TRPC4: variants seen among roughly 807,000 people sequenced by gnomAD.
The protein encoded by TRPC4 is transient receptor potential cation channel subfamily C member 4.
Under a neutral mutation model 99.4 loss-of-function variants are expected in TRPC4, and 49 were observed. The observed-to-expected ratio is 0.49, with a 90% CI of 0.39 to 0.63. TRPC4 has a LOEUF of 0.63. Ranked by LOEUF, TRPC4 falls within the 20% of genes least tolerant of loss-of-function variation. The pLI is 0.00. For synonymous variants in TRPC4, 454 were observed against 425.9 expected, an observed-to-expected ratio of 1.07 and a Z score of -0.81; for missense variants, 898 against 1,152.9, an observed-to-expected ratio of 0.78 and a Z score of 3.20.
At chr13:37,858,046 A>T (rs1038366830) in intron 1 of TRPC4, among the ~76,000 whole-genome samples, 5 of 151,800 alleles carry the variant, frequency 3.3e-5, no homozygotes, top group African/African-American at 4.8e-5. Context: ...TAGTATATAT[A>T]AGAAGTTCAA....
At chr13:37,748,491 AT>A (rs1231364904) in intron 2 of TRPC4, among the ~76,000 whole-genome samples, 1 of 152,140 alleles carries the variant, frequency 6.6e-6, no homozygotes, top group Non-Finnish European at 1.5e-5. Flanking sequence ...TTTCAAAAAA[AT>A]AACAGTGTGA....
intron 2 of TRPC4, among the ~76,000 whole-genome samples, chr13:37,757,915 G>T (rs1314242012): frequency 6.6e-6 from 1 of 151,912 alleles, no homozygotes; most frequent in African/African-American, 2.4e-5. Flanking sequence ...AAATTGGTGG[G>T]TAGGGTTCAA....
intron 1 of TRPC4, among the ~76,000 whole-genome samples, chr13:37,846,870 A>T (rs555076513): frequency 6.6e-6 from 1 of 152,218 alleles, no homozygotes; most frequent in African/African-American, 2.4e-5. Context: ...ATTGGAAAAA[A>T]GTATTTCCCA....
intron 1 of TRPC4, among the ~76,000 whole-genome samples, chr13:37,813,163 A>T (rs941221451): frequency 1.3e-5 from 2 of 151,956 alleles, no homozygotes; most frequent in East Asian, 3.9e-4. Context: ...TAATCAATAA[A>T]TCAAAGAAGA....
intron 3 of TRPC4, among the ~76,000 whole-genome samples, chr13:37,733,074 G>T (rs1446104725): frequency 6.6e-6 from 1 of 152,246 alleles, no homozygotes; most frequent in East Asian, 1.9e-4. Context: ...GGAGTTTCAG[G>T]CCAGCCTGGG....
intron 1 of TRPC4, among the ~76,000 whole-genome samples, chr13:37,825,246 G>C (rs1331831754): frequency 3.3e-5 from 5 of 151,604 alleles, no homozygotes; most frequent in Non-Finnish European, 5.9e-5. Flanking sequence ...TTAATTTTTT[G>C]AAGGGTTTTT....
At chr13:37,750,913 A>G (rs1175013813) in intron 2 of TRPC4, among the ~76,000 whole-genome samples, 1 of 151,926 alleles carries the variant, frequency 6.6e-6, no homozygotes, top group Admixed American at 6.6e-5. Context: ...TTCCTACGGG[A>G]GATGGATTTC....
chr13:37,689,475 C>T (rs1953609504), intron 4 of TRPC4, among the ~76,000 whole-genome samples: 1 of 152,102 alleles, frequency 6.6e-6, no homozygotes. Context: ...CCTCATGCCC[C>T]ATTATTTCAG....
chr13:37,655,853 C>A (rs542573756), intron 6 of TRPC4, among the ~76,000 whole-genome samples: 1 of 152,096 alleles, frequency 6.6e-6, no homozygotes, highest in Non-Finnish European at 1.5e-5. Context: ...TGTCCTAGGG[C>A]ACTAAGTCAT....
chr13:37,851,199 A>T lies in TRPC4; in HGVS notation c.-28+18396T>A, dbSNP rs1959045031. Among the ~76,000 whole-genome samples, 3 of 152,230 alleles carry T rather than the reference A, an allele frequency of 2.0e-5. No individual in the cohort carries two copies. The South Asian group carries it at 6.2e-4, about 31-fold the overall frequency. On this transcript the variant is annotated intron_variant, in intron 1 of 10. Transcript: ENST00000379705. ...TTGTAAAATTTTAAAATTAGTCTCC[A>T]GTCATTCCAGCCTGTGATTGGATTA...
At chr13:37,772,708 T>A (rs1216766626) in intron 2 of TRPC4, among the ~76,000 whole-genome samples, 1 of 151,724 alleles carries the variant, frequency 6.6e-6, no homozygotes, top group Non-Finnish European at 1.5e-5. Context: ...TTTTATAATT[T>A]ATATCAAAAA....
chr13:37,756,766 C>T (rs897050996), intron 2 of TRPC4, among the ~76,000 whole-genome samples: 2 of 151,772 alleles, frequency 1.3e-5, no homozygotes, highest in African/African-American at 2.4e-5. Flanking sequence ...AACTCCTGAA[C>T]TCAGGAGACC....
intron 3 of TRPC4, among the ~76,000 whole-genome samples, chr13:37,725,103 G>C (rs1190400436): frequency 6.6e-6 from 1 of 151,998 alleles, no homozygotes. Flanking sequence ...GAGCTGAAGT[G>C]AAAAAACAGT....
chr13:37,810,360 T>A (rs1419276558), intron 1 of TRPC4, among the ~76,000 whole-genome samples: 1 of 152,044 alleles, frequency 6.6e-6, no homozygotes, highest in East Asian at 1.9e-4. Flanking sequence ...TTAGAATTGG[T>A]AGATTTTTCA....
At chr13:37,796,754 T>G (rs979697160) in intron 1 of TRPC4, among the ~76,000 whole-genome samples, 1 of 151,620 alleles carries the variant, frequency 6.6e-6, no homozygotes, top group Non-Finnish European at 1.5e-5. Context: ...TCCTCCTCAT[T>G]AAGGAATATT....
rs561625173 is a variant in TRPC4, at chr13:37,783,427, C to T, written c.-27-67G>A. 178 of 1,253,658 alleles carry T rather than the reference C, an allele frequency of 1.4e-4. 3 individuals are homozygous for T. In the South Asian group the frequency reaches 3.4e-3, roughly 24 times the overall value. The allele number at this position is 1,253,658 out of a possible 1,614,324, so 77.7% of individuals were successfully genotyped here. ...GCTTTTAAAATTGTTAAGCATCATA[C>T]TTCTCCAACTCACAGTGATATCAAT... On this transcript the variant is annotated intron_variant, in intron 1 of 10. Transcript: ENST00000379705.
intron 3 of TRPC4, among the ~76,000 whole-genome samples, chr13:37,731,013 T>C (rs1955222094): frequency 6.6e-6 from 1 of 152,006 alleles, no homozygotes; most frequent in Admixed American, 6.6e-5. Context: ...TGTCAAAGTA[T>C]AATAACTGGG....
intron 1 of TRPC4, among the ~76,000 whole-genome samples, chr13:37,851,600 G>A (rs2096054592): frequency 6.6e-6 from 1 of 152,166 alleles, no homozygotes; most frequent in Non-Finnish European, 1.5e-5. Flanking sequence ...TGGAATAGAA[G>A]CCTACACCAT....
chr13:37,658,299 G>T (rs546053034), intron 6 of TRPC4, among the ~76,000 whole-genome samples: 19 of 152,266 alleles, frequency 1.2e-4, no homozygotes, highest in African/African-American at 4.6e-4. Flanking sequence ...GGTGGACTTA[G>T]GTCCTGCCTT....
Sources: gnomAD v4.1 joint callset for allele counts (sites outside exome capture counted in the v4.1 genomes callset) on GRCh38, gnomAD v4.1.1 for gene constraint, MANE v1.5 for transcripts, NCBI Gene and HGNC (gene_info 2026-07-23, HGNC 2026-07-21) for gene names.